PHKB: variants seen among roughly 807,000 people sequenced by gnomAD.
The protein encoded by PHKB is phosphorylase kinase regulatory subunit beta.
In PHKB, 122 loss-of-function variants were observed where a neutral mutation model predicts 152.1. That is an observed-to-expected ratio of 0.80 (90% CI 0.69 to 0.93). The LOEUF (loss-of-function observed/expected upper bound fraction) is 0.93, where lower values mean the gene tolerates loss of function less well. Ranked by LOEUF, PHKB falls within the 40% of genes least tolerant of loss-of-function variation. The pLI, the probability that PHKB is intolerant of heterozygous loss-of-function variation, is 0.00. For missense variants in PHKB, 1,304 were observed against 1,328.4 expected (o/e 0.98, Z 0.29); for synonymous variants, 436 against 464.9 (o/e 0.94, Z 0.80).
chr16:47,478,759 ATTC>A (rs762849106), intron 1 of PHKB, among the ~76,000 whole-genome samples: 7 of 152,154 alleles, frequency 4.6e-5, no homozygotes, highest in African/African-American at 1.7e-4. Flanking sequence ...TAATGATATT[ATTC>A]TTAACCTTTT....
intron 29 of PHKB, among the ~76,000 whole-genome samples, chr16:47,697,650 G>C (rs565936881): frequency 6.6e-6 from 1 of 152,314 alleles, no homozygotes; most frequent in South Asian, 2.1e-4. Context: ...ATAAAATACA[G>C]TCAATAAGAA....
intron 13 of PHKB, among the ~76,000 whole-genome samples, chr16:47,601,977 A>T (rs891392087): frequency 3.9e-5 from 6 of 152,200 alleles, no homozygotes; most frequent in African/African-American, 1.4e-4. Context: ...ATATTAAGCA[A>T]TTTTAGTTAA....
chr16:47,672,657 T>G (rs892296088), intron 26 of PHKB, among the ~76,000 whole-genome samples: 5 of 152,142 alleles, frequency 3.3e-5, no homozygotes, highest in Admixed American at 2.0e-4. Flanking sequence ...TCTATAGTAG[T>G]TTTTCCTTTA....
At chr16:47,544,038 G>A (rs528111419) in intron 6 of PHKB, among the ~76,000 whole-genome samples, 1 of 152,130 alleles carries the variant, frequency 6.6e-6, no homozygotes, top group African/African-American at 2.4e-5. Flanking sequence ...CAAAAAACCA[G>A]CTCCTGGATT....
Position 47,547,703 on chromosome 16 carries a change from A to G in PHKB, c.710+155A>G. 4 of 608,766 alleles carry G rather than the reference A, an allele frequency of 6.6e-6. No homozygotes were observed. In the South Asian group the frequency reaches 7.4e-5, roughly 11 times the overall value. The allele number at this position is 608,766 out of a possible 1,614,324, so 37.7% of individuals were successfully genotyped here. A position where few individuals can be genotyped will look rare whatever the true frequency, so the allele number is the denominator to read the frequency against. On this transcript the variant is annotated intron_variant, in intron 7 of 30. Coordinates refer to ENST00000323584, the MANE Select transcript of PHKB (RefSeq NM_000293.3). ...ATGCAGATGGAAGTCACTTAAAATT[A>G]ACACAAAAGAGCCCATCCTCAGTAC...
intron 4 of PHKB, 25 bp from the exon 5 acceptor site, chr16:47,511,640 T>A: frequency 7.0e-7 from 1 of 1,428,082 alleles, no homozygotes; most frequent in African/African-American, 1.4e-5. Flanking sequence ...TTACTAATGT[T>A]GTTTAATTTT....
chr16:47,541,438 A>G (rs1873081799), intron 6 of PHKB, among the ~76,000 whole-genome samples: 1 of 152,300 alleles, frequency 6.6e-6, no homozygotes, highest in East Asian at 1.9e-4. Context: ...GCTATTGTGA[A>G]TAGTGCTGCA....
intron 6 of PHKB, among the ~76,000 whole-genome samples, chr16:47,538,583 C>T (rs1453052730): frequency 6.6e-6 from 1 of 152,234 alleles, no homozygotes; most frequent in Non-Finnish European, 1.5e-5. Flanking sequence ...GCAAATGTCT[C>T]TGTTGGGGAG....
chr16:47,548,518 A>G (rs1971213638), intron 7 of PHKB, among the ~76,000 whole-genome samples: 1 of 152,046 alleles, frequency 6.6e-6, no homozygotes. Flanking sequence ...GAGGCAGGAG[A>G]ATGGCTTGAA....
intron 1 of PHKB, chr16:47,464,097 T>A: frequency 1.2e-6 from 1 of 833,798 alleles, no homozygotes; most frequent in East Asian, 2.5e-5. Flanking sequence ...ATTTCTTCTT[T>A]GGTGGGCCCA....
intron 6 of PHKB, among the ~76,000 whole-genome samples, chr16:47,518,757 C>T (rs1002244060): frequency 6.6e-6 from 1 of 152,158 alleles, no homozygotes; most frequent in Admixed American, 6.5e-5. Flanking sequence ...AGAAACTCAT[C>T]ATATATGTTA....
In PHKB at chr16:47,618,103, G is replaced by T. The variant is rs191729401; in HGVS notation, c.1458+7183G>T. ...TGGGGCCCTTCTAGTTGGTGAGTCA[G>T]CTCCCATACCTGCTGCAGCACTTTG... On this transcript the variant is annotated intron_variant, in intron 14 of 30. Transcript: ENST00000323584. Among the ~76,000 whole-genome samples, 11 of 152,332 alleles carry T rather than the reference G, an allele frequency of 7.2e-5. No homozygotes were observed. The East Asian group carries it at 2.1e-3, about 29-fold the overall frequency.
chr16:47,466,809 C>T (rs896627645), intron 1 of PHKB, among the ~76,000 whole-genome samples: 5 of 151,992 alleles, frequency 3.3e-5, no homozygotes, highest in African/African-American at 9.7e-5. Context: ...ACTAATCTAA[C>T]CGTCAACTAA....
At chr16:47,623,557 A>ATTTTT (rs35402802) in intron 14 of PHKB, among the ~76,000 whole-genome samples, 23 of 86,264 alleles carry the variant, frequency 2.7e-4, no homozygotes, top group Non-Finnish European at 4.6e-4. Flanking sequence ...GACAGTTTTG[A>ATTTTT]TTTTTTTTTT....
intron 7 of PHKB, among the ~76,000 whole-genome samples, chr16:47,548,690 C>T (rs556338268): frequency 6.6e-6 from 1 of 151,730 alleles, no homozygotes; most frequent in Admixed American, 6.6e-5. Flanking sequence ...AGACTAATCA[C>T]ACACACAAAA....
chr16:47,673,897 A>G (rs1296013662), intron 26 of PHKB, among the ~76,000 whole-genome samples: 1 of 152,186 alleles, frequency 6.6e-6, no homozygotes, highest in Non-Finnish European at 1.5e-5. Context: ...GAGAGTATAC[A>G]TGGGCTGTCT....
chr16:47,602,962 T>C (rs774133560), intron 13 of PHKB, among the ~76,000 whole-genome samples: 6 of 152,188 alleles, frequency 3.9e-5, no homozygotes, highest in Non-Finnish European at 7.4e-5. Context: ...GGCAACCTAA[T>C]TATTCTGACA....
chr16:47,677,627 C>T (rs970814879), intron 26 of PHKB, among the ~76,000 whole-genome samples: 2 of 152,078 alleles, frequency 1.3e-5, no homozygotes, highest in Non-Finnish European at 2.9e-5. Context: ...AACCTCATGA[C>T]CTCATCTAAA....
intron 14 of PHKB, among the ~76,000 whole-genome samples, chr16:47,629,868 T>C (rs529343566): frequency 6.6e-6 from 1 of 152,258 alleles, no homozygotes; most frequent in South Asian, 2.1e-4. Flanking sequence ...GTTCATGTCC[T>C]TTGTAGGGAC....
Sources: allele counts gnomAD v4.1 joint callset (sites outside exome capture counted in the v4.1 genomes callset), GRCh38; gene constraint gnomAD v4.1.1; transcripts MANE v1.5; gene names NCBI Gene and HGNC (gene_info 2026-07-23, HGNC 2026-07-21).